Variants in IQCB1 observed in about 807,000 individuals in gnomAD.
IQCB1 encodes IQ calmodulin-binding motif-containing protein 1.
Under a neutral mutation model 84.4 loss-of-function variants are expected in IQCB1, and 56 were observed. The ratio of observed to expected loss-of-function variants is 0.66; its 90% CI spans 0.54 to 0.83. IQCB1 has a LOEUF of 0.83. IQCB1 is among the 40% of genes least tolerant of loss of function. IQCB1 has a pLI of 0.00. For synonymous variants in IQCB1, 210 were observed against 234.8 expected (o/e 0.89, Z 0.96); for missense variants, 629 against 682.1 (o/e 0.92, Z 0.87).
chr3:121,785,763 C>T (rs1039523066), intron 12 of IQCB1, among the ~76,000 whole-genome samples: 1 of 152,146 alleles, frequency 6.6e-6, no homozygotes, highest in Admixed American at 6.5e-5. Flanking sequence ...GTATTTTACA[C>T]TTACAACACA....
intron 12 of IQCB1, among the ~76,000 whole-genome samples, chr3:121,785,979 G>A (rs1948692435): frequency 6.8e-6 from 1 of 147,504 alleles, no homozygotes; most frequent in Admixed American, 7.0e-5. Context: ...GACCACCCTG[G>A]AGAACACAGT....
chr3:121,814,161 C>T (rs1220088493), intron 5 of IQCB1, among the ~76,000 whole-genome samples: 1 of 152,162 alleles, frequency 6.6e-6, no homozygotes, highest in Non-Finnish European at 1.5e-5. Context: ...CAAGCTGCTC[C>T]TGAATGAGTA....
chr3:121,806,564 C>T (rs2108588969), intron 7 of IQCB1, among the ~76,000 whole-genome samples: 1 of 152,116 alleles, frequency 6.6e-6, no homozygotes, highest in East Asian at 1.9e-4. Flanking sequence ...TTTATGTTGC[C>T]TGGAATTACT....
chr3:121,791,110 A>C (rs1016717039), intron 10 of IQCB1, among the ~76,000 whole-genome samples: 1 of 152,214 alleles, frequency 6.6e-6, no homozygotes, highest in Non-Finnish European at 1.5e-5. Flanking sequence ...AGAAAAAGAA[A>C]ACGAGGATAA....
intron 5 of IQCB1, among the ~76,000 whole-genome samples, chr3:121,810,374 C>T (rs1949778518): frequency 6.6e-6 from 1 of 152,064 alleles, no homozygotes; most frequent in African/African-American, 2.4e-5. Context: ...TTTTTATGCC[C>T]CTGTTTTAAT....
intron 14 of IQCB1, among the ~76,000 whole-genome samples, chr3:121,771,592 G>T (rs1409975324): frequency 6.6e-6 from 1 of 152,116 alleles, no homozygotes; most frequent in African/African-American, 2.4e-5. Flanking sequence ...CTCCCAAAGT[G>T]CTGGGATTAG....
At chr3:121,830,887 G>A (rs1166162186) in intron 2 of IQCB1, among the ~76,000 whole-genome samples, 1 of 152,234 alleles carries the variant, frequency 6.6e-6, no homozygotes, top group Non-Finnish European at 1.5e-5. Flanking sequence ...GAGAAGCCAA[G>A]AAGAATCTGA....
At position 121,816,706 on chromosome 3, in the gene IQCB1, C is replaced by A. The variant is rs185611633; in HGVS notation, c.394-7697G>T. Among the ~76,000 whole-genome samples, 15 of 152,260 alleles carry A rather than the reference C, an allele frequency of 9.9e-5. No homozygotes were observed. In the East Asian group the frequency reaches 2.7e-3, roughly 27 times the overall value. Reference sequence around the variant, plus strand: ...ACTAGAGAAATGCAAATCAAAACCACAATGAGATACCCTCTCACTCCAGTT... The same window carrying A: ...ACTAGAGAAATGCAAATCAAAACCAAAATGAGATACCCTCTCACTCCAGTT... On this transcript the variant is annotated intron_variant, in intron 5 of 14. Coordinates refer to ENST00000310864, the MANE Select transcript of IQCB1 (RefSeq NM_001023570.4).
At position 121,770,482 on chromosome 3, in the gene IQCB1, G is replaced by A. The variant is rs1947924899; in HGVS notation, c.1660C>T (p.Leu554Phe). ...PVAAKAKQAHLTTLKHIQAPW... is the reference protein window; with the variant it reads ...PVAAKAKQAHFTTLKHIQAPW... ...GCTTGTATGTGCTTCAGGGTTGTGA[G>A]ATGGGCCTGCTTGGCCTTGGCTGCC... The change falls in exon 15 of 15, where the codon CTC becomes TTC. Residue 554 changes from leucine (L) to phenylalanine (F), a missense_variant. Leu to Phe is a conservative substitution (Grantham distance 22, BLOSUM62 0). Coordinates refer to ENST00000310864, the MANE Select transcript of IQCB1 (RefSeq NM_001023570.4). 6.2e-7 allele frequency: 1 copy of A among 1,614,222 alleles called. No individual in the cohort carries two copies. The highest frequency in any genetic ancestry group is 8.5e-7 in the Non-Finnish European group (1 of 1,180,030).
At chr3:121,818,159 T>C (rs1030475146) in intron 5 of IQCB1, among the ~76,000 whole-genome samples, 2 of 152,222 alleles carry the variant, frequency 1.3e-5, no homozygotes, top group African/African-American at 4.8e-5. Flanking sequence ...TCTGATATAG[T>C]AGTAGGCCCA....
intron 7 of IQCB1, among the ~76,000 whole-genome samples, chr3:121,802,605 C>G (rs1169935888): frequency 2.6e-5 from 4 of 152,070 alleles, no homozygotes; most frequent in Non-Finnish European, 5.9e-5. Flanking sequence ...CTTCAATCTT[C>G]CCAAAGATCC....
At chr3:121,776,053 TC>T (rs1295685181) in intron 13 of IQCB1, among the ~76,000 whole-genome samples, 6 of 151,920 alleles carry the variant, frequency 3.9e-5, no homozygotes, top group African/African-American at 1.5e-4. Context: ...CGTTTTTTTT[TC>T]TTTTTCTTTA....
In IQCB1 at chr3:121,781,809, T is replaced by C. The variant is rs886057824; in HGVS notation, c.1344A>G (p.Gln448=). Residue 448 remains glutamine (Q), a synonymous_variant, in exon 13 of 15, where the codon CAA becomes CAG. Transcript: ENST00000310864. ...KKLFAPWRGL[Q]ELTDARRVEL... is the part of the protein sequence containing the mutation. ...CAACTCGGCGTGCATCAGTGAGTTC[T>C]TGGAGTCCTCGCCAAGGAGCAAATA... The C allele has an allele frequency of 6.2e-6, 10 of 1,613,938 alleles. No homozygotes were observed. The highest frequency in any genetic ancestry group is 3.3e-5 in the Admixed American group (2 of 60,018).
intron 4 of IQCB1, 73 bp from the exon 5 acceptor site, chr3:121,826,253 C>T: frequency 6.8e-7 from 1 of 1,460,366 alleles, no homozygotes; most frequent in East Asian, 2.3e-5. Flanking sequence ...GACACTGTGC[C>T]TTATTGAGAA....
intron 5 of IQCB1, among the ~76,000 whole-genome samples, chr3:121,811,246 C>T (rs949756868): frequency 1.3e-5 from 2 of 152,114 alleles, no homozygotes; most frequent in African/African-American, 4.8e-5. Context: ...CCAGATACTA[C>T]GTTTTTCCCA....
chr3:121,827,288 G>A (rs1950495435), intron 4 of IQCB1, among the ~76,000 whole-genome samples: 1 of 151,924 alleles, frequency 6.6e-6, no homozygotes, highest in Non-Finnish European at 1.5e-5. Context: ...AACCTAAGTG[G>A]ATAATATTTA....
intron 5 of IQCB1, among the ~76,000 whole-genome samples, chr3:121,825,285 C>T (rs1297254999): frequency 1.3e-5 from 2 of 152,084 alleles, no homozygotes; most frequent in Non-Finnish European, 2.9e-5. Context: ...GTCTCAAACT[C>T]CCAACCTCAG....
At chr3:121,782,122 A>AG (rs1364602824) in intron 12 of IQCB1, among the ~76,000 whole-genome samples, 1 of 152,220 alleles carries the variant, frequency 6.6e-6, no homozygotes, top group Non-Finnish European at 1.5e-5. Flanking sequence ...AGGAAAAAAA[A>AG]GCAATAGATT....
chr3:121,782,148 G>A (rs1174927057), intron 12 of IQCB1, among the ~76,000 whole-genome samples: 1 of 152,172 alleles, frequency 6.6e-6, no homozygotes, highest in East Asian at 1.9e-4. Flanking sequence ...CTCAATTCTA[G>A]TCCCTTATAA....
Sources: gnomAD v4.1 joint callset for allele counts (sites outside exome capture counted in the v4.1 genomes callset) on GRCh38, gnomAD v4.1.1 for gene constraint, MANE v1.5 for transcripts, NCBI Gene and HGNC (gene_info 2026-07-23, HGNC 2026-07-21) for gene names.